MALRD1: variants seen among roughly 807,000 people sequenced by gnomAD.
MALRD1 encodes MAM and LDL-receptor class A domain-containing protein 1.
In MALRD1, 247 loss-of-function variants were observed where a neutral mutation model predicts 242.1. That is an observed-to-expected ratio of 1.02 (90% CI 0.92 to 1.13). MALRD1 has a LOEUF of 1.13. Among genes scored for constraint, MALRD1 ranks in the 50% most tolerant of loss-of-function variants. MALRD1 has a pLI of 0.00. For synonymous variants in MALRD1, 995 were observed against 866.6 expected, an observed-to-expected ratio of 1.15 and a Z score of -2.60; for missense variants, 2,989 against 2,533.1, an observed-to-expected ratio of 1.18 and a Z score of -3.86.
At chr10:19,255,225 G>T (rs148504309) in intron 18 of MALRD1, among the ~76,000 whole-genome samples, 76 of 152,122 alleles carry the variant, frequency 5.0e-4, no homozygotes, top group South Asian at 1.7e-3. Context: ...TGGATTTTCA[G>T]TTGCCCTTTG....
chr10:19,584,550 A>C lies in MALRD1; in HGVS notation c.5681-10644A>C, dbSNP rs549015675. Among the ~76,000 whole-genome samples the C allele has an allele frequency of 2.4e-3, 368 of 152,276 alleles. 2 individuals are homozygous for C. Among genetic ancestry groups the C allele is most frequent in the African/African-American group, 7.2e-3 (299 of 41,546 alleles). Reference sequence around the variant, plus strand: ...TTGAGCGGTTTTGAGTGAGTTTCTTAATCCTGAGTTCTAGTTTGATTGCAC... The same window carrying C: ...TTGAGCGGTTTTGAGTGAGTTTCTTCATCCTGAGTTCTAGTTTGATTGCAC... On this transcript the variant is annotated intron_variant, in intron 33 of 39. Coordinates refer to ENST00000454679, the MANE Select transcript of MALRD1 (RefSeq NM_001142308.3).
chr10:19,260,130 A>G lies in MALRD1; in HGVS notation c.3079+2359A>G, dbSNP rs146063053. ...GTTTAGTTTTAGTATTATTGCTAAA[A>G]TATTAAGTAATTCTATGTGCCAGAT... On this transcript the variant is annotated intron_variant, in intron 19 of 39. Transcript: ENST00000454679. Among the ~76,000 whole-genome samples, 392 of 152,314 alleles carry G rather than the reference A, an allele frequency of 2.6e-3. 3 individuals are homozygous for G. Among genetic ancestry groups the G allele is most frequent in the African/African-American group, 9.0e-3 (376 of 41,570 alleles).
At chr10:19,612,618 T>G (rs1173283376) in intron 35 of MALRD1, among the ~76,000 whole-genome samples, 2 of 151,716 alleles carry the variant, frequency 1.3e-5, no homozygotes, top group African/African-American at 4.8e-5. Flanking sequence ...GGTAGTTTAT[T>G]TAAAAAAAAA....
chr10:19,305,895 A>G (rs1432605402), intron 21 of MALRD1, among the ~76,000 whole-genome samples: 1 of 130,772 alleles, frequency 7.6e-6, no homozygotes, highest in African/African-American at 2.9e-5. Context: ...AATATATATT[A>G]TATATACTAT....
At chr10:19,299,839 A>G (rs931767940) in intron 21 of MALRD1, among the ~76,000 whole-genome samples, 1 of 151,918 alleles carries the variant, frequency 6.6e-6, no homozygotes, top group Non-Finnish European at 1.5e-5. Context: ...CGTCACTCCT[A>G]TTCAACATAG....
Position 19,209,620 on chromosome 10 carries a change from G to T in MALRD1, c.2931G>T (p.Gly977=). Residue 977 remains glycine, a synonymous_variant, in exon 18 of 40, where the codon GGG becomes GGT. Transcript: ENST00000454679. ...GACAGCTGCTGTGGCAGATATTTGG[G>T]AATCAAGGCAACAGATGGATTAGGA... The part of the protein sequence containing the change: ...SRGQLLWQIF[G]NQGNRWIRKH... The T allele has an allele frequency of 6.4e-7, 1 of 1,550,998 alleles. No individual in the cohort carries two copies.
chr10:19,181,370 T>C (rs1362967098), intron 14 of MALRD1, among the ~76,000 whole-genome samples: 1 of 152,190 alleles, frequency 6.6e-6, no homozygotes, highest in African/African-American at 2.4e-5. Context: ...TGGAATATTA[T>C]TCAGCCTTAA....
chr10:19,226,151 G>A (rs1588724934), intron 18 of MALRD1, among the ~76,000 whole-genome samples: 1 of 152,138 alleles, frequency 6.6e-6, no homozygotes, highest in African/African-American at 2.4e-5. Context: ...AAATGATAAT[G>A]TGTTTTAACC....
At chr10:19,211,110 G>T (rs1006707418) in intron 18 of MALRD1, among the ~76,000 whole-genome samples, 1 of 152,166 alleles carries the variant, frequency 6.6e-6, no homozygotes, top group Admixed American at 6.6e-5. Flanking sequence ...GTATGTAGTG[G>T]ATAAGCCCTT....
chr10:19,662,484 G>A (rs775008588), intron 36 of MALRD1, among the ~76,000 whole-genome samples: 22 of 152,100 alleles, frequency 1.4e-4, no homozygotes, highest in South Asian at 2.1e-4. Flanking sequence ...TTAATATACC[G>A]TCATTCTTTT....
At chr10:19,132,723 C>T (rs963914175) in intron 8 of MALRD1, among the ~76,000 whole-genome samples, 8 of 152,088 alleles carry the variant, frequency 5.3e-5, no homozygotes, top group African/African-American at 1.9e-4. Context: ...TCAATCTTCA[C>T]ATTTTTACCA....
At chr10:19,479,376 G>A (rs1836886164) in intron 29 of MALRD1, among the ~76,000 whole-genome samples, 1 of 152,146 alleles carries the variant, frequency 6.6e-6, no homozygotes, top group Admixed American at 6.5e-5. Context: ...AGCACCTAAG[G>A]TGTGAGTTAT....
intron 21 of MALRD1, among the ~76,000 whole-genome samples, chr10:19,289,465 C>G (rs1477606082): frequency 6.6e-6 from 1 of 152,112 alleles, no homozygotes; most frequent in Non-Finnish European, 1.5e-5. Flanking sequence ...CTACAGAACA[C>G]AAAATTAACT....
At chr10:19,704,836 TGTTTATATTTC>T (rs1213174862) in intron 38 of MALRD1, among the ~76,000 whole-genome samples, 1 of 152,134 alleles carries the variant, frequency 6.6e-6, no homozygotes, top group Admixed American at 6.5e-5. Flanking sequence ...GAATGATGCT[TGTTTATATTTC>T]TGATAAGGAA....
intron 33 of MALRD1, among the ~76,000 whole-genome samples, chr10:19,574,778 G>A (rs924927410): frequency 6.6e-6 from 1 of 152,142 alleles, no homozygotes; most frequent in African/African-American, 2.4e-5. Flanking sequence ...AGAGGATTAG[G>A]GAAACAGAAG....
chr10:19,565,700 C>T (rs575558333), intron 32 of MALRD1, among the ~76,000 whole-genome samples: 27 of 152,272 alleles, frequency 1.8e-4, no homozygotes, highest in Non-Finnish European at 3.4e-4. Context: ...ACGTGTCAGA[C>T]TGGAAGTAGT....
chr10:19,627,435 G>A (rs578213615), intron 36 of MALRD1, among the ~76,000 whole-genome samples: 89 of 151,714 alleles, frequency 5.9e-4, no homozygotes, highest in Non-Finnish European at 1.1e-3. Context: ...AAACAAAAAA[G>A]CAACAAAAAA....
intron 38 of MALRD1, among the ~76,000 whole-genome samples, chr10:19,702,010 C>T (rs1002398120): frequency 1.3e-5 from 2 of 152,008 alleles, no homozygotes; most frequent in African/African-American, 4.8e-5. Context: ...GGACAGACAG[C>T]CCGACTGGCT....
chr10:19,346,176 T>C (rs1457477987), intron 24 of MALRD1, among the ~76,000 whole-genome samples: 1 of 152,178 alleles, frequency 6.6e-6, no homozygotes, highest in African/African-American at 2.4e-5. Flanking sequence ...TTGGGATAAC[T>C]ATAAGAATGT....
Sources: allele counts gnomAD v4.1 joint callset (sites outside exome capture counted in the v4.1 genomes callset), GRCh38; gene constraint gnomAD v4.1.1; transcripts MANE v1.5; gene names NCBI Gene and HGNC (gene_info 2026-07-23, HGNC 2026-07-21).